RPAP3: variants seen among roughly 807,000 people sequenced by gnomAD.
The protein encoded by RPAP3 is RNA polymerase II associated protein 3.
A neutral mutation model predicts 88.8 loss-of-function variants in RPAP3; 58 were observed. The observed-to-expected ratio is 0.65, with a 90% CI of 0.53 to 0.81. The LOEUF (loss-of-function observed/expected upper bound fraction) is 0.81, where lower values mean the gene tolerates loss of function less well. Among genes scored for constraint, RPAP3 ranks in the 40% least tolerant of loss-of-function variants. The pLI is 0.00. For synonymous variants in RPAP3, 255 were observed against 259.9 expected (o/e 0.98, Z 0.18); for missense variants, 751 against 764.3 (o/e 0.98, Z 0.20).
At position 47,670,190 on chromosome 12, in the gene RPAP3, G is replaced by C; in HGVS notation, c.1443C>G (p.Ser481Arg). 1 of 1,613,930 alleles carries C rather than the reference G, an allele frequency of 6.2e-7. No homozygotes were observed. Residue 481 changes from serine (S) to arginine (R), a missense_variant, in exon 13 of 17, where the codon AGC (serine) becomes AGG (arginine). Physicochemically the swap from Ser to Arg is moderately radical, Grantham distance 110 (BLOSUM62 -1). Coordinates refer to ENST00000005386, the MANE Select transcript of RPAP3 (RefSeq NM_024604.3). ...ATGTTSKKNS[S>R]QDDLFPTSDT... ...CACTTGTGGGAAAAAGGTCATCTTG[G>C]CTTGAATTCTTCTTACTTGTGGTGC...
chr12:47,668,436 A>G (rs1025095172), intron 14 of RPAP3, among the ~76,000 whole-genome samples: 2 of 152,238 alleles, frequency 1.3e-5, no homozygotes, highest in Admixed American at 6.5e-5. Context: ...GTAGAATTAC[A>G]TGAGAAAACG....
intron 14 of RPAP3, 151 bp from the exon 15 acceptor site, chr12:47,668,002 C>G (rs376336619): frequency 9.7e-6 from 5 of 517,716 alleles, no homozygotes; most frequent in South Asian, 8.1e-5. Context: ...CGAGACCAGT[C>G]TGACCAACAT....
Position 47,667,309 on chromosome 12 carries a change from G to A in RPAP3, c.1812-229C>T, listed in dbSNP as rs74716766. 2.1e-3 allele frequency among the ~76,000 whole-genome samples: 313 copies of A among 152,154 alleles called. 2 individuals are homozygous for A. Among genetic ancestry groups the A allele is most frequent in the African/African-American group, 7.4e-3 (308 of 41,514 alleles). The stretch of plus-strand genomic sequence containing the variant: ...GAAACTATTATTCTGTGAAAACACT[G>A]GTCATTTCCATACCCTACTTTTCTC... On this transcript the variant is annotated intron_variant, in intron 15 of 16. Coordinates refer to ENST00000005386, the MANE Select transcript of RPAP3 (RefSeq NM_024604.3).
At position 47,661,290 on chromosome 12, in the gene RPAP3, T is replaced by C. The variant is rs1938755777; in HGVS notation, c.*2215A>G. 1 of 152,178 alleles carries C rather than the reference T, an allele frequency of 6.6e-6. No homozygotes were observed. The highest frequency in any genetic ancestry group is 2.4e-5 in the African/African-American group (1 of 41,442). The allele number at this position is 152,178 out of a possible 1,614,324, so 9.4% of individuals were successfully genotyped here. A position where few individuals can be genotyped will look rare whatever the true frequency, so the allele number is the denominator to read the frequency against. ...TGACTTTATTAACCACTATGCTATT[T>C]TGCAATAAGGCAACAATATGACAGC... is the stretch of plus-strand genomic sequence containing the variant. On this transcript the variant is annotated 3_prime_UTR_variant, in exon 17 of 17. Coordinates refer to ENST00000005386, the MANE Select transcript of RPAP3 (RefSeq NM_024604.3).
Position 47,681,654 on chromosome 12 carries a change from A to C in RPAP3, c.1114+42T>G, listed in dbSNP as rs115693279. ...GAATCTCTGCTTCTTTAACTTGGGC[A>C]CTCATCAGGATGACTGAGTGCCAGC... On this transcript the variant is annotated intron_variant, in intron 10 of 16. Transcript: ENST00000005386. The C allele has an allele frequency of 7.6e-4, 1,210 of 1,592,586 alleles. 10 individuals carry two copies. The African/African-American group carries it at 0.015, about 20-fold the overall frequency.
intron 15 of RPAP3, among the ~76,000 whole-genome samples, 186 bp downstream of exon 15, chr12:47,667,568 G>C (rs7311663): frequency 6.6e-6 from 1 of 151,798 alleles, no homozygotes; most frequent in South Asian, 2.1e-4. Context: ...AATAGGTTCA[G>C]GAAAACTGTG....
intron 1 of RPAP3, among the ~76,000 whole-genome samples, chr12:47,703,430 G>A (rs1444610419): frequency 6.6e-6 from 1 of 152,220 alleles, no homozygotes; most frequent in Non-Finnish European, 1.5e-5. Flanking sequence ...CCAACTAGGT[G>A]CCAGGATTAT....
intron 3 of RPAP3, among the ~76,000 whole-genome samples, chr12:47,698,156 A>G (rs1158610995): frequency 6.6e-6 from 1 of 152,260 alleles, no homozygotes; most frequent in African/African-American, 2.4e-5. Context: ...CGAACAAAAA[A>G]AAGAGCACAT....
At position 47,681,743 on chromosome 12, in the gene RPAP3, C is replaced by G; in HGVS notation, c.1067G>C (p.Arg356Thr). ...TCCCAAAAATGTTCTTGCAGTTCCTCTTCTGGCAAAAGCTTTAGAATATGA... is the reference window on the plus strand; with the variant it reads ...TCCCAAAAATGTTCTTGCAGTTCCTGTTCTGGCAAAAGCTTTAGAATATGA... ...DGSYSKAFAR[R>T]GTARTFLGKL... Residue 356 changes from arginine to threonine, a missense_variant, in exon 10 of 17, where the codon AGA (arginine) becomes ACA (threonine). Arg to Thr is a moderately conservative substitution (Grantham distance 71). Transcript: ENST00000005386. The G allele has an allele frequency of 1.2e-6, 2 of 1,612,424 alleles. No individual in the cohort carries two copies. Among genetic ancestry groups the G allele is most frequent in the Non-Finnish European group, 1.7e-6 (2 of 1,179,300 alleles).
rs771380855 is a variant in RPAP3 at position 47,689,203 on chromosome 12, AAAG to A, written c.668-11_668-9del. The A allele has an allele frequency of 8.0e-7, 1 of 1,251,912 alleles. No homozygotes were observed. Among genetic ancestry groups the A allele is most frequent in the African/African-American group, 1.5e-5 (1 of 65,232 alleles). 77.6% of individuals were successfully genotyped at this position (1,251,912 alleles called of 1,614,324 possible). On this transcript the variant is annotated splice_polypyrimidine_tract_variant and intron_variant, in intron 6 of 16. Transcript: ENST00000005386. ...CTAATACTCTTTCATAATCTAAGTA[AAAG>A]AGAAGATAAAAAAAATTTTTAAAGA... is the stretch of plus-strand genomic sequence containing the variant.
At chr12:47,674,659 T>C (rs1010368261) in intron 12 of RPAP3, among the ~76,000 whole-genome samples, 1 of 151,936 alleles carries the variant, frequency 6.6e-6, no homozygotes, top group Admixed American at 6.6e-5. Flanking sequence ...TGATTGAAGA[T>C]CAAATTAATG....
At position 47,679,704 on chromosome 12, in the gene RPAP3, C is replaced by A. The variant is rs755348161; in HGVS notation, c.1185G>T (p.Lys395Asn). ...QAVTELSKIK[K>N]ELIEKGHWDD... ...TGTTTGGGTGAAAAGAATACATTAC[C>A]TTTTTAATTTTGGAGAGTTCAGTTA... The change falls in exon 11 of 17, where the codon AAG (lysine) becomes AAT (asparagine). Residue 395 changes from lysine (K) to asparagine (N), a missense_variant and splice_region_variant. By Grantham distance (94) the Lys-to-Asn change is moderately conservative (BLOSUM62 0). Transcript: ENST00000005386. 6.3e-7 allele frequency: 1 copy of A among 1,598,792 alleles called. No homozygotes were observed. The highest frequency in any genetic ancestry group is 8.5e-7 in the Non-Finnish European group (1 of 1,170,538).
chr12:47,667,783 G>A lies in RPAP3; in HGVS notation c.1782C>T (p.Ile594=), dbSNP rs748155493. 24 of 1,597,430 alleles carry A rather than the reference G, an allele frequency of 1.5e-5. No individual in the cohort carries two copies. Among genetic ancestry groups the A allele is most frequent in the East Asian group, 9.0e-5 (4 of 44,398 alleles). ...KNLDPDVFNQ[I]VKILHDFYIE... The stretch of plus-strand genomic sequence containing the variant: ...TGTAAAAGTCATGCAGAATTTTAAC[G>A]ATCTGGTTGAATACATCTGGATCCA... Residue 594 remains isoleucine, a synonymous_variant, in exon 15 of 17, where the codon ATC becomes ATT. Coordinates refer to ENST00000005386, the MANE Select transcript of RPAP3 (RefSeq NM_024604.3).
intron 12 of RPAP3, among the ~76,000 whole-genome samples, chr12:47,671,142 A>C (rs891075658): frequency 2.0e-5 from 3 of 152,186 alleles, no homozygotes; most frequent in Non-Finnish European, 4.4e-5. Flanking sequence ...GTTGATATTT[A>C]ATAATATATG....
At chr12:47,665,779 T>A (rs1445491825) in intron 16 of RPAP3, among the ~76,000 whole-genome samples, 1 of 151,916 alleles carries the variant, frequency 6.6e-6, no homozygotes, top group Non-Finnish European at 1.5e-5. Flanking sequence ...TAGCTGGGAC[T>A]ACAGATGCAC....
intron 5 of RPAP3, among the ~76,000 whole-genome samples, chr12:47,695,356 A>G (rs1366753432): frequency 6.6e-6 from 1 of 152,182 alleles, no homozygotes; most frequent in Admixed American, 6.5e-5. Flanking sequence ...GCTCAAAAAT[A>G]AGCAAGATTA....
chr12:47,686,089 G>A (rs773029497), intron 9 of RPAP3, among the ~76,000 whole-genome samples: 12 of 152,112 alleles, frequency 7.9e-5, no homozygotes, highest in Non-Finnish European at 1.6e-4. Flanking sequence ...AAGAAGTTTC[G>A]AATTCCTATT....
chr12:47,697,708 A>C lies in RPAP3; in HGVS notation c.306T>G (p.Leu102=), dbSNP rs771910307. Residue 102 remains leucine, a synonymous_variant, in exon 4 of 17, where the codon CTT becomes CTG. Transcript: ENST00000005386. ...TACTATCGTCTTTGTCAAGCTCATCAAGGATACGGTCCTAAAATCAAAAGA... is the reference window on the plus strand; with the variant it reads ...TACTATCGTCTTTGTCAAGCTCATCCAGGATACGGTCCTAAAATCAAAAGA... The part of the protein sequence containing the change: ...AWAKLDVDRI[L]DELDKDDSTH... 1 of 1,601,226 alleles carries C rather than the reference A, an allele frequency of 6.2e-7. No homozygotes were observed. The highest frequency in any genetic ancestry group is 1.3e-5 in the African/African-American group (1 of 74,126).
At chr12:47,665,700 C>T (rs1361578560) in intron 16 of RPAP3, among the ~76,000 whole-genome samples, 1 of 151,758 alleles carries the variant, frequency 6.6e-6, no homozygotes, top group Non-Finnish European at 1.5e-5. Context: ...GAACGCAGTG[C>T]CACAATCATG....
Sources: allele counts gnomAD v4.1 joint callset (sites outside exome capture counted in the v4.1 genomes callset), GRCh38; gene constraint gnomAD v4.1.1; transcripts MANE v1.5; gene names NCBI Gene and HGNC (gene_info 2026-07-23, HGNC 2026-07-21).